The following IFIH1 variants were observed in gnomAD, a reference collection of about 807,000 sequenced individuals.
IFIH1 encodes interferon induced with helicase C domain 1.
IFIH1 carries 125 observed loss-of-function variants against 107.4 expected under a neutral mutation model. That is an observed-to-expected ratio of 1.16 (90% CI 1.01 to 1.35). The LOEUF (loss-of-function observed/expected upper bound fraction) is 1.35, where lower values mean the gene tolerates loss of function less well. Among genes scored for constraint, IFIH1 ranks in the 40% most tolerant of loss-of-function variants. The probability of loss-of-function intolerance (pLI) is 0.00; values close to 1 mark genes in which losing one functional copy is unlikely to be tolerated. For synonymous variants in IFIH1, 458 were observed against 413.2 expected, an observed-to-expected ratio of 1.11 and a Z score of -1.31; for missense variants, 1,333 against 1,213.7, an observed-to-expected ratio of 1.10 and a Z score of -1.46.
intron 3 of IFIH1, among the ~76,000 whole-genome samples, chr2:162,300,209 G>A (rs1435219830): frequency 6.6e-6 from 1 of 152,088 alleles, no homozygotes; most frequent in Non-Finnish European, 1.5e-5. Context: ...TGTATTATCT[G>A]ACCAACTCAC....
intron 3 of IFIH1, among the ~76,000 whole-genome samples, chr2:162,298,787 C>T (rs1280484005): frequency 2.7e-5 from 4 of 150,268 alleles, no homozygotes; most frequent in South Asian, 2.1e-4. Flanking sequence ...CGCACGCGCG[C>T]GCGCACACAC....
chr2:162,288,121 T>G lies in IFIH1; in HGVS notation c.1095+14A>C. The G allele has an allele frequency of 6.6e-7, 1 of 1,520,676 alleles. No individual in the cohort carries two copies. Among genetic ancestry groups the G allele is most frequent in the Non-Finnish European group, 9.1e-7 (1 of 1,097,604 alleles). 94.2% of individuals were successfully genotyped at this position (1,520,676 alleles called of 1,614,324 possible). On this transcript the variant is annotated intron_variant, in intron 5 of 15. Coordinates refer to ENST00000649979, the MANE Select transcript of IFIH1 (RefSeq NM_022168.4). ...ATGAAAATGATCAACTAGTGTTATG[T>G]GTTCTTTGAATACCTTATTGACAAG... is the stretch of plus-strand genomic sequence containing the variant.
intron 3 of IFIH1, among the ~76,000 whole-genome samples, chr2:162,302,372 C>A (rs1300253114): frequency 1.3e-5 from 2 of 152,076 alleles, no homozygotes; most frequent in Non-Finnish European, 2.9e-5. Flanking sequence ...TAATTTGAGT[C>A]TTTTCTTTAT....
Position 162,280,005 on chromosome 2 carries a change from T to G in IFIH1, c.1632A>C (p.Ala544=). The G allele has an allele frequency of 6.4e-7, 1 of 1,567,178 alleles. No homozygotes were observed. The highest frequency in any genetic ancestry group is 8.8e-7 in the Non-Finnish European group (1 of 1,137,734). Residue 544 remains alanine (A), a synonymous_variant, in exon 8 of 16, where the codon GCA becomes GCC. Transcript: ENST00000649979. The part of the protein sequence containing the change: ...EPCKKFAIAD[A]TREDPFKEKL... Reference sequence around the variant, plus strand: ...AACATTAAGCCCATACTTCTCTGGTTGCATCTGCAATGGCAAACTTCTTGC... The same window carrying G: ...AACATTAAGCCCATACTTCTCTGGTGGCATCTGCAATGGCAAACTTCTTGC...
chr2:162,298,025 C>T (rs903217794), intron 3 of IFIH1, among the ~76,000 whole-genome samples: 1 of 151,794 alleles, frequency 6.6e-6, no homozygotes, highest in Non-Finnish European at 1.5e-5. Flanking sequence ...ATTTAGAAAC[C>T]AAAAATATTG....
At chr2:162,310,966 T>C in intron 1 of IFIH1, 33 bp from the exon 2 acceptor site, 1 of 1,540,368 alleles carries the variant, frequency 6.5e-7, no homozygotes, top group Non-Finnish European at 8.9e-7. Context: ...TTAAGTAAGA[T>C]CAAACATCTT....
intron 4 of IFIH1, among the ~76,000 whole-genome samples, chr2:162,290,343 G>A (rs920355228): frequency 6.6e-6 from 1 of 151,632 alleles, no homozygotes; most frequent in African/African-American, 2.4e-5. Context: ...GAAAGATATA[G>A]CAATTTCCTA....
chr2:162,283,110 A>G (rs1451618731), intron 5 of IFIH1, among the ~76,000 whole-genome samples: 1 of 151,942 alleles, frequency 6.6e-6, no homozygotes, highest in East Asian at 1.9e-4. Flanking sequence ...TACATGTAGT[A>G]TAACAGTTTA....
chr2:162,277,541 C>T lies in IFIH1; in HGVS notation c.1918G>A (p.Val640Ile), dbSNP rs1052281131. Residue 640 changes from valine to isoleucine, a missense_variant, in exon 10 of 16, where the codon GTC (valine) becomes ATC (isoleucine). Transcript: ENST00000649979. ...CCCTCATCACTATCATCTTCTATGA[C>T]TGCAAACTTCTTATCTTTCTCTTCA... is the stretch of plus-strand genomic sequence containing the variant. ...YNEEKDKKFA[V>I]IEDDSDEGGD... The T allele has an allele frequency of 1.3e-6, 2 of 1,595,986 alleles. No homozygotes were observed. The highest frequency in any genetic ancestry group is 1.7e-6 in the Non-Finnish European group (2 of 1,163,760).
At chr2:162,267,442 G>C (rs372963666) in intron 15 of IFIH1, 37 bp downstream of exon 15, 38 of 1,611,582 alleles carry the variant, frequency 2.4e-5, no homozygotes, top group Non-Finnish European at 3.1e-5. Context: ...CATTCCTGTT[G>C]GCTAAAGTAA....
At chr2:162,278,147 T>C (rs1306320872) in intron 9 of IFIH1, 58 bp downstream of exon 9, 13 of 1,453,896 alleles carry the variant, frequency 8.9e-6, no homozygotes, top group East Asian at 2.3e-5. Context: ...GATATAGTCA[T>C]CTAAAATCTT....
intron 6 of IFIH1, 116 bp downstream of exon 6, chr2:162,282,250 C>A (rs976758181): frequency 1.5e-6 from 1 of 648,826 alleles, no homozygotes. Context: ...TTTAATAAAA[C>A]CATAAGCAAT....
chr2:162,267,337 A>T lies in IFIH1; in HGVS notation c.2941T>A (p.Cys981Ser), dbSNP rs745702496. ...ACTACAAAATTCCTTATTTTGAGACAAGGCAAATCTAAGCCTTTGTGCACC... is the reference window on the plus strand; with the variant it reads ...ACTACAAAATTCCTTATTTTGAGACTAGGCAAATCTAAGCCTTTGTGCACC... ...MMVHKGLDLP[C>S]LKIRNFVVVF... Residue 981 changes from cysteine to serine, a missense_variant, in exon 16 of 16, where the codon TGT becomes AGT. By Grantham distance (112) the Cys-to-Ser change is moderately radical (BLOSUM62 -1). Transcript: ENST00000649979. The T allele has an allele frequency of 2.5e-6, 4 of 1,612,880 alleles. No homozygotes were observed. The South Asian group carries it at 4.4e-5, about 18-fold the overall frequency.
chr2:162,315,874 C>A (rs1013780955), intron 1 of IFIH1, among the ~76,000 whole-genome samples: 5 of 152,136 alleles, frequency 3.3e-5, no homozygotes, highest in African/African-American at 1.2e-4. Context: ...AAAAATTATT[C>A]CACACTCTCA....
At chr2:162,310,966 T>A (rs537366721) in intron 1 of IFIH1, 33 bp from the exon 2 acceptor site, 1 of 1,540,368 alleles carries the variant, frequency 6.5e-7, no homozygotes, top group African/African-American at 1.4e-5. Flanking sequence ...TTAAGTAAGA[T>A]CAAACATCTT....
chr2:162,270,695 C>A (rs933615910), intron 13 of IFIH1, among the ~76,000 whole-genome samples: 2 of 152,188 alleles, frequency 1.3e-5, no homozygotes, highest in African/African-American at 4.8e-5. Flanking sequence ...CCCCAAAAAA[C>A]TACTCTTAAA....
chr2:162,275,350 T>A (rs1324553365), intron 11 of IFIH1, among the ~76,000 whole-genome samples: 1 of 152,152 alleles, frequency 6.6e-6, no homozygotes, highest in Non-Finnish European at 1.5e-5. Context: ...ACGCTAAAGT[T>A]AATATAATAG....
intron 7 of IFIH1, among the ~76,000 whole-genome samples, chr2:162,280,514 A>G (rs559116646): frequency 1.3e-5 from 2 of 152,034 alleles, no homozygotes; most frequent in Non-Finnish European, 2.9e-5. Context: ...AGGCATATCA[A>G]AGGTCAACTT....
chr2:162,298,659 C>A (rs1683138424), intron 3 of IFIH1, among the ~76,000 whole-genome samples: 1 of 152,142 alleles, frequency 6.6e-6, no homozygotes, highest in Non-Finnish European at 1.5e-5. Flanking sequence ...CTCAAGTGGG[C>A]TTACACTCAT....
Sources: gnomAD v4.1 joint callset for allele counts (sites outside exome capture counted in the v4.1 genomes callset) on GRCh38, gnomAD v4.1.1 for gene constraint, MANE v1.5 for transcripts, NCBI Gene and HGNC (gene_info 2026-07-23, HGNC 2026-07-21) for gene names.